The following UBAC2 variants were observed in gnomAD, a reference collection of about 807,000 sequenced individuals.
UBAC2 encodes the protein ubiquitin-associated domain-containing protein 2.
A neutral mutation model predicts 44.0 loss-of-function variants in UBAC2; 26 were observed. The observed-to-expected ratio is 0.59, with a 90% CI of 0.43 to 0.82. The LOEUF is 0.82. Ranked by LOEUF, UBAC2 falls within the 40% of genes least tolerant of loss-of-function variation. The probability of loss-of-function intolerance (pLI) is 0.00; values close to 1 mark genes in which losing one functional copy is unlikely to be tolerated. For missense variants in UBAC2, 329 were observed against 419.4 expected (o/e 0.78, Z 1.88); for synonymous variants, 155 against 154.3 (o/e 1.00, Z -0.04).
intron 4 of UBAC2, chr13:99,255,569 CTG>C (rs749579391): frequency 1.2e-5 from 20 of 1,614,036 alleles, no homozygotes; most frequent in South Asian, 4.4e-5. Context: ...GGGTAAAACA[CTG>C]TGAGAGCTCC....
At chr13:99,310,608 T>C (rs1179629430) in intron 4 of UBAC2, among the ~76,000 whole-genome samples, 1 of 152,266 alleles carries the variant, frequency 6.6e-6, no homozygotes, top group Non-Finnish European at 1.5e-5. Flanking sequence ...ACAGCCCATA[T>C]AATTTTGGTC....
At chr13:99,213,313 C>T (rs764660348) in intron 1 of UBAC2, among the ~76,000 whole-genome samples, 11 of 151,938 alleles carry the variant, frequency 7.2e-5, no homozygotes, top group Non-Finnish European at 1.6e-4. Context: ...TCTTGGCCTC[C>T]CAAGTTGCTG....
chr13:99,344,727 T>C (rs2044946278), intron 7 of UBAC2, among the ~76,000 whole-genome samples: 2 of 152,224 alleles, frequency 1.3e-5, no homozygotes. Flanking sequence ...CCAGAGTTCA[T>C]CCTGCCATCT....
chr13:99,327,707 A>C lies in UBAC2; in HGVS notation c.561+9638A>C, dbSNP rs150100658. Reference sequence around the variant, plus strand: ...GCTGAGAACATTTTCAAAGCAGCAGAAGTTTTTTGTTGTTAAAAGCTTGTT... The same window carrying C: ...GCTGAGAACATTTTCAAAGCAGCAGCAGTTTTTTGTTGTTAAAAGCTTGTT... On this transcript the variant is annotated intron_variant, in intron 6 of 8. Transcript: ENST00000403766. Among the ~76,000 whole-genome samples, 129 of 152,332 alleles carry C rather than the reference A, an allele frequency of 8.5e-4. 2 individuals are homozygous for C. In the East Asian group the frequency reaches 0.021, roughly 25 times the overall value.
At chr13:99,255,576 A>AGCTCCAAGAATCTGGCAGAAGTAC in intron 4 of UBAC2, 8 of 1,614,200 alleles carry the variant, frequency 5.0e-6, no homozygotes, top group Non-Finnish European at 6.8e-6. Flanking sequence ...ACACTGTGAG[A>AGCTCCAAGAATCTGGCAGAAGTAC]GCTCCAAGAA....
chr13:99,220,128 C>T (rs1274462060), intron 1 of UBAC2, among the ~76,000 whole-genome samples: 2 of 152,030 alleles, frequency 1.3e-5, no homozygotes, highest in Non-Finnish European at 2.9e-5. Flanking sequence ...TTTGTGGAAC[C>T]AAAAAGATAT....
chr13:99,369,374 G>A (rs1270507899), intron 8 of UBAC2, among the ~76,000 whole-genome samples: 3 of 152,126 alleles, frequency 2.0e-5, no homozygotes, highest in African/African-American at 4.8e-5. Context: ...CCAGCGATAC[G>A]TGGTACGAGA....
intron 4 of UBAC2, among the ~76,000 whole-genome samples, chr13:99,281,963 A>G (rs1232796944): frequency 6.6e-6 from 1 of 152,218 alleles, no homozygotes; most frequent in Non-Finnish European, 1.5e-5. Flanking sequence ...AGAAGTCTAC[A>G]TGAAGCCACA....
intron 4 of UBAC2, among the ~76,000 whole-genome samples, chr13:99,279,599 C>T (rs2043926955): frequency 6.6e-6 from 1 of 152,204 alleles, no homozygotes; most frequent in African/African-American, 2.4e-5. Flanking sequence ...ACTAATGATG[C>T]CTCACTGCCT....
intron 4 of UBAC2, among the ~76,000 whole-genome samples, chr13:99,249,719 TC>T (rs1355177498): frequency 6.6e-6 from 1 of 152,202 alleles, no homozygotes; most frequent in African/African-American, 2.4e-5. Flanking sequence ...TCCCTTTTCT[TC>T]CCAGATCTCA....
chr13:99,200,893 C>T lies in UBAC2; in HGVS notation c.-16C>T, dbSNP rs1181112131. ...CCTCCCCCGGCGCCCTCTGGGGCTC[C>T]GAGCCCGGCGGGACCATGTTCACCA... is the stretch of plus-strand genomic sequence containing the variant. On this transcript the variant is annotated 5_prime_UTR_variant, in exon 1 of 9. Coordinates refer to ENST00000403766, the MANE Select transcript of UBAC2 (RefSeq NM_001144072.2). The T allele has an allele frequency of 1.5e-6, 2 of 1,303,362 alleles. No homozygotes were observed. Among genetic ancestry groups the T allele is most frequent in the East Asian group, 2.9e-5 (1 of 34,496 alleles). The allele number at this position is 1,303,362 out of a possible 1,614,324, so 80.7% of individuals were successfully genotyped here.
At chr13:99,209,310 C>T (rs990765949) in intron 1 of UBAC2, among the ~76,000 whole-genome samples, 1 of 152,242 alleles carries the variant, frequency 6.6e-6, no homozygotes, top group African/African-American at 2.4e-5. Context: ...GGAACCCTCA[C>T]ATTCCACTGT....
intron 6 of UBAC2, among the ~76,000 whole-genome samples, chr13:99,338,145 C>T (rs1445818525): frequency 6.9e-6 from 1 of 145,836 alleles, no homozygotes; most frequent in African/African-American, 2.6e-5. Context: ...GTAACCTCCA[C>T]CACCCAGGTT....
intron 6 of UBAC2, among the ~76,000 whole-genome samples, chr13:99,332,461 C>T (rs1221628074): frequency 2.0e-5 from 3 of 152,206 alleles, no homozygotes; most frequent in Admixed American, 6.5e-5. Context: ...ATCATTTCCT[C>T]TTGCCTTACA....
At chr13:99,270,880 A>G (rs2043806747) in intron 4 of UBAC2, among the ~76,000 whole-genome samples, 1 of 152,274 alleles carries the variant, frequency 6.6e-6, no homozygotes, top group African/African-American at 2.4e-5. Flanking sequence ...TGTATAAAGT[A>G]GCCACTTAGT....
chr13:99,371,437 A>G (rs1178156421), intron 8 of UBAC2, among the ~76,000 whole-genome samples: 1 of 152,172 alleles, frequency 6.6e-6, no homozygotes, highest in African/African-American at 2.4e-5. Context: ...TTCATTCTGC[A>G]GGCTCTTGGT....
chr13:99,347,802 C>T (rs1237142229), intron 7 of UBAC2, among the ~76,000 whole-genome samples: 3 of 151,226 alleles, frequency 2.0e-5, no homozygotes, highest in South Asian at 2.1e-4. Flanking sequence ...GGACATTTCC[C>T]GCCAGCACTG....
intron 6 of UBAC2, among the ~76,000 whole-genome samples, chr13:99,325,098 C>CTTTTTTTTT (rs55672515): frequency 1.2e-5 from 1 of 86,126 alleles, no homozygotes; most frequent in Non-Finnish European, 2.1e-5. Context: ...TGTCTATGCT[C>CTTTTTTTTT]TTTTTTTTTT....
intron 4 of UBAC2, among the ~76,000 whole-genome samples, chr13:99,275,738 C>T (rs896870063): frequency 6.6e-6 from 1 of 152,088 alleles, no homozygotes; most frequent in African/African-American, 2.4e-5. Context: ...CAGGAGTTTT[C>T]CTTACATATC....
Sources: gnomAD v4.1 joint callset for allele counts (sites outside exome capture counted in the v4.1 genomes callset) on GRCh38, gnomAD v4.1.1 for gene constraint, MANE v1.5 for transcripts, NCBI Gene and HGNC (gene_info 2026-07-23, HGNC 2026-07-21) for gene names.